Variants in GIPC2 observed in about 807,000 individuals in gnomAD.
The protein encoded by GIPC2 is PDZ domain-containing protein GIPC2.
In GIPC2, 30 loss-of-function variants were observed where a neutral mutation model predicts 30.6. That is an observed-to-expected ratio of 0.98 (90% CI 0.73 to 1.33). GIPC2 has a LOEUF of 1.33. Ranked by LOEUF, GIPC2 falls within the 40% of genes most tolerant of loss-of-function variation. GIPC2 has a pLI of 0.00. For missense variants in GIPC2, 414 were observed against 390.3 expected, an observed-to-expected ratio of 1.06 and a Z score of -0.51; for synonymous variants, 167 against 150.0, an observed-to-expected ratio of 1.11 and a Z score of -0.83.
At position 78,137,133 on chromosome 1, in the gene GIPC2, C is replaced by T. The variant is rs900570007; in HGVS notation, c.*1390C>T. ...ATTCTTTGTCCGATTAATTTGAAAT[C>T]TGCACAGAAGCTGTTTTAGTCATTA... is the stretch of plus-strand genomic sequence containing the variant. On this transcript the variant is annotated 3_prime_UTR_variant, in exon 6 of 6. Coordinates refer to ENST00000370759, the MANE Select transcript of GIPC2 (RefSeq NM_017655.6). The T allele has an allele frequency of 3.3e-5, 5 of 152,222 alleles. No homozygotes were observed. Among genetic ancestry groups the T allele is most frequent in the African/African-American group, 1.2e-4 (5 of 41,558 alleles). 9.4% of individuals were successfully genotyped at this position (152,222 alleles called of 1,614,324 possible).
chr1:78,069,160 A>G, intron 1 of GIPC2: 2 of 850,402 alleles, frequency 2.4e-6, no homozygotes, highest in Non-Finnish European at 2.8e-6. Context: ...GGGTATCTCC[A>G]AGTCTGTGAC....
intron 2 of GIPC2, among the ~76,000 whole-genome samples, chr1:78,085,722 G>C (rs1276211216): frequency 6.6e-6 from 1 of 151,744 alleles, no homozygotes; most frequent in Non-Finnish European, 1.5e-5. Context: ...GTTTATAGTA[G>C]TTTCTGATGG....
intron 5 of GIPC2, among the ~76,000 whole-genome samples, chr1:78,130,104 C>CTT (rs752502793): frequency 2.0e-4 from 23 of 117,164 alleles, no homozygotes; most frequent in African/African-American, 3.3e-4. Flanking sequence ...CCTAGGATCA[C>CTT]TTTTTTTTTT....
intron 1 of GIPC2, among the ~76,000 whole-genome samples, chr1:78,059,849 A>G (rs193240942): frequency 6.6e-6 from 1 of 152,354 alleles, no homozygotes; most frequent in East Asian, 1.9e-4. Context: ...CGTGCTAGAC[A>G]GAGAATTTAA....
At chr1:78,067,155 G>A (rs903388273) in intron 1 of GIPC2, among the ~76,000 whole-genome samples, 26 of 152,144 alleles carry the variant, frequency 1.7e-4, no homozygotes, top group African/African-American at 6.3e-4. Context: ...TCCTATAGCA[G>A]GTGCAAAAGT....
rs899205989 is a variant in GIPC2 at position 78,125,976 on chromosome 1, A to G, written c.796+14A>G. The G allele has an allele frequency of 2.4e-6, 3 of 1,271,668 alleles. No homozygotes were observed. Among genetic ancestry groups the G allele is most frequent in the South Asian group, 1.2e-5 (1 of 82,750 alleles). 78.8% of individuals were successfully genotyped at this position (1,271,668 alleles called of 1,614,324 possible). ...ATATTGATTTAGGTAAGATTATACT[A>G]TTTAAAAAAGTCTTATATCTCTTAA... On this transcript the variant is annotated intron_variant, in intron 5 of 5. Coordinates refer to ENST00000370759, the MANE Select transcript of GIPC2 (RefSeq NM_017655.6).
chr1:78,062,099 C>T (rs1275780526), intron 1 of GIPC2, among the ~76,000 whole-genome samples: 1 of 152,186 alleles, frequency 6.6e-6, no homozygotes, highest in Non-Finnish European at 1.5e-5. Flanking sequence ...ATAAAAGTCA[C>T]AGGTTCTTAA....
At chr1:78,084,965 C>T (rs746691405) in intron 2 of GIPC2, among the ~76,000 whole-genome samples, 4 of 152,090 alleles carry the variant, frequency 2.6e-5, no homozygotes, top group Admixed American at 2.0e-4. Flanking sequence ...CTAGGACTTC[C>T]AATACTATGT....
intron 3 of GIPC2, among the ~76,000 whole-genome samples, chr1:78,099,502 G>C (rs973528341): frequency 6.7e-6 from 1 of 150,244 alleles, no homozygotes. Context: ...ACAGTGGCAC[G>C]ATCTCAGCTC....
intron 1 of GIPC2, among the ~76,000 whole-genome samples, chr1:78,076,533 A>G (rs942518370): frequency 1.3e-5 from 2 of 152,168 alleles, no homozygotes; most frequent in African/African-American, 2.4e-5. Flanking sequence ...GATCCCTCGC[A>G]TGTGCAGCTC....
At chr1:78,049,877 G>A (rs1019777422) in intron 1 of GIPC2, among the ~76,000 whole-genome samples, 1 of 136,142 alleles carries the variant, frequency 7.3e-6, no homozygotes, top group South Asian at 2.5e-4. Context: ...TTCCAAATAC[G>A]AACCCAGAAA....
intron 2 of GIPC2, among the ~76,000 whole-genome samples, chr1:78,094,510 CTTAGT>C (rs1662100673): frequency 6.6e-6 from 1 of 151,990 alleles, no homozygotes; most frequent in African/African-American, 2.4e-5. Flanking sequence ...ATGTAAAGTG[CTTAGT>C]TTAGAATTCA....
intron 1 of GIPC2, among the ~76,000 whole-genome samples, chr1:78,056,342 G>C (rs1277741732): frequency 6.6e-6 from 1 of 152,150 alleles, no homozygotes; most frequent in East Asian, 1.9e-4. Flanking sequence ...GCTGGGAATG[G>C]TGGTGTGAGC....
In GIPC2 at chr1:78,076,348, T is replaced by G. The variant is rs192626743; in HGVS notation, c.241-4327T>G. Among the ~76,000 whole-genome samples, 490 of 152,338 alleles carry G rather than the reference T, an allele frequency of 3.2e-3. 7 individuals carry two copies. The highest frequency in any genetic ancestry group is 5.6e-3 in the Non-Finnish European group (379 of 68,028). The stretch of plus-strand genomic sequence containing the variant: ...GCTTTCTCCTTCAATTAGTCTGTCT[T>G]CCATATAGATGAGGCAGAGTGATAA... On this transcript the variant is annotated intron_variant, in intron 1 of 5. Coordinates refer to ENST00000370759, the MANE Select transcript of GIPC2 (RefSeq NM_017655.6).
At chr1:78,093,553 A>G (rs1004528608) in intron 2 of GIPC2, among the ~76,000 whole-genome samples, 6 of 152,226 alleles carry the variant, frequency 3.9e-5, no homozygotes, top group African/African-American at 1.4e-4. Context: ...TAATAATGCA[A>G]TTTAAACATT....
chr1:78,046,321 T>G lies in GIPC2; in HGVS notation c.227T>G (p.Ile76Ser). The change falls in exon 1 of 6, where the codon ATC (isoleucine) becomes AGC (serine). Residue 76 changes from isoleucine to serine, a missense_variant. Coordinates refer to ENST00000370759, the MANE Select transcript of GIPC2 (RefSeq NM_017655.6). ...LYAQIAGAFE[I>S]SPSEILYCTL... ...GCCCAGATCGCGGGCGCGTTTGAAATCTCGCCGTCGGAGGTAAGGCGCCAG... is the reference window on the plus strand; with the variant it reads ...GCCCAGATCGCGGGCGCGTTTGAAAGCTCGCCGTCGGAGGTAAGGCGCCAG... 1 of 1,610,820 alleles carries G rather than the reference T, an allele frequency of 6.2e-7. No homozygotes were observed. Among genetic ancestry groups the G allele is most frequent in the Non-Finnish European group, 8.5e-7 (1 of 1,179,276 alleles).
chr1:78,119,962 T>C (rs1209583546), intron 4 of GIPC2, among the ~76,000 whole-genome samples: 1 of 152,192 alleles, frequency 6.6e-6, no homozygotes. Context: ...TGGAGTCCAA[T>C]GACTTCTTAC....
chr1:78,083,156 G>T (rs1048353124), intron 2 of GIPC2, among the ~76,000 whole-genome samples: 3 of 151,498 alleles, frequency 2.0e-5, no homozygotes, highest in Non-Finnish European at 4.4e-5. Context: ...GTCCAATTTA[G>T]GATCCTGTAT....
chr1:78,055,528 T>C (rs984103672), intron 1 of GIPC2, among the ~76,000 whole-genome samples: 5 of 152,186 alleles, frequency 3.3e-5, no homozygotes, highest in African/African-American at 7.2e-5. Context: ...ACCTTCCATC[T>C]CAGCCTCTCT....
Sources: allele counts gnomAD v4.1 joint callset (sites outside exome capture counted in the v4.1 genomes callset), GRCh38; gene constraint gnomAD v4.1.1; transcripts MANE v1.5; gene names NCBI Gene and HGNC (gene_info 2026-07-23, HGNC 2026-07-21).